INPP4B: variants seen among roughly 807,000 people sequenced by gnomAD.
INPP4B encodes inositol polyphosphate 4-phosphatase type II.
In INPP4B, 55 loss-of-function variants were observed where a neutral mutation model predicts 122.5. That is an observed-to-expected ratio of 0.45 (90% confidence interval 0.36 to 0.56). INPP4B has a LOEUF of 0.56. Among genes scored for constraint, INPP4B ranks in the 20% least tolerant of loss-of-function variants. INPP4B has a pLI of 0.00. For synonymous variants in INPP4B, 403 were observed against 388.7 expected (o/e 1.04, Z -0.43); for missense variants, 1,000 against 1,097.7 (o/e 0.91, Z 1.26).
At chr4:142,623,217 G>A (rs543190008) in intron 2 of INPP4B, among the ~76,000 whole-genome samples, 3 of 151,918 alleles carry the variant, frequency 2.0e-5, no homozygotes, top group Admixed American at 6.6e-5. Flanking sequence ...TATTGTACCT[G>A]CTTCAATTCA....
chr4:142,516,697 A>G (rs1825455081), intron 2 of INPP4B, among the ~76,000 whole-genome samples: 1 of 151,898 alleles, frequency 6.6e-6, no homozygotes, highest in African/African-American at 2.4e-5. Flanking sequence ...TGTGCCCTGG[A>G]GCCTGTGTGG....
intron 23 of INPP4B, among the ~76,000 whole-genome samples, chr4:142,099,460 G>A (rs1043189171): frequency 2.0e-5 from 3 of 152,098 alleles, no homozygotes; most frequent in Non-Finnish European, 4.4e-5. Flanking sequence ...TACATGGTAT[G>A]ACAGTTGAGA....
Position 142,074,679 on chromosome 4 carries a change from T to C in INPP4B, c.2642+7352A>G, listed in dbSNP as rs147167123. 3.6e-3 allele frequency among the ~76,000 whole-genome samples: 547 copies of C among 152,200 alleles called. 3 individuals are homozygous for C. Among genetic ancestry groups the C allele is most frequent in the African/African-American group, 0.012 (516 of 41,548 alleles). ...CAATAGATAAATTGTGGTCTATTTA[T>C]ACAAGGGAGTATTATATAAGTTTAA... On this transcript the variant is annotated intron_variant, in intron 25 of 25. Coordinates refer to ENST00000262992, the MANE Select transcript of INPP4B (RefSeq NM_001101669.3).
At chr4:142,687,042 T>C (rs1461047315) in intron 2 of INPP4B, among the ~76,000 whole-genome samples, 2 of 152,114 alleles carry the variant, frequency 1.3e-5, no homozygotes, top group African/African-American at 2.4e-5. Flanking sequence ...TGGGGATTCT[T>C]GCGAAAACTG....
intron 25 of INPP4B, among the ~76,000 whole-genome samples, chr4:142,056,042 A>T (rs1241340216): frequency 2.6e-5 from 4 of 151,900 alleles, no homozygotes; most frequent in Non-Finnish European, 1.5e-5. Flanking sequence ...CACGTAGCCT[A>T]GATTCCTCGC....
chr4:142,845,720 T>A (rs1784100580), intron 1 of INPP4B, among the ~76,000 whole-genome samples: 2 of 151,850 alleles, frequency 1.3e-5, no homozygotes, highest in Non-Finnish European at 2.9e-5. Context: ...TAAGGACTTC[T>A]TCCCAGGCCG....
chr4:142,645,523 G>T (rs1751559188), intron 2 of INPP4B, among the ~76,000 whole-genome samples: 1 of 152,148 alleles, frequency 6.6e-6, no homozygotes, highest in African/African-American at 2.4e-5. Flanking sequence ...TTGGCCAATA[G>T]AATGTGATGT....
intron 2 of INPP4B, among the ~76,000 whole-genome samples, chr4:142,464,761 C>T (rs927289702): frequency 1.3e-5 from 2 of 152,064 alleles, no homozygotes; most frequent in East Asian, 3.9e-4. Flanking sequence ...AAACTTTCAC[C>T]AGGTAGAATT....
Position 142,738,739 on chromosome 4 carries a change from T to C in INPP4B, c.-253-12838A>G, listed in dbSNP as rs116214299. ...CAAATGCCATCAGTTGGAAATAATA[T>C]ACAGAACTGACATACTTTAGCTCCA... is the stretch of plus-strand genomic sequence containing the variant. On this transcript the variant is annotated intron_variant, in intron 1 of 25. Coordinates refer to ENST00000262992, the MANE Select transcript of INPP4B (RefSeq NM_001101669.3). 9.5e-3 allele frequency among the ~76,000 whole-genome samples: 1,444 copies of C among 152,260 alleles called. 26 individuals are homozygous for C. The highest frequency in any genetic ancestry group is 0.032 in the African/African-American group (1,344 of 41,560).
intron 1 of INPP4B, among the ~76,000 whole-genome samples, chr4:142,814,176 G>T (rs1298521178): frequency 6.6e-6 from 1 of 152,136 alleles, no homozygotes; most frequent in African/African-American, 2.4e-5. Flanking sequence ...CAGGTAACAG[G>T]GAAAAGGAGA....
chr4:142,650,069 C>A (rs1454709967), intron 2 of INPP4B, among the ~76,000 whole-genome samples: 1 of 152,150 alleles, frequency 6.6e-6, no homozygotes, highest in African/African-American at 2.4e-5. Flanking sequence ...ATTCAACATC[C>A]TTAAAGAAAA....
chr4:142,445,402 C>G (rs1010407256), intron 3 of INPP4B, among the ~76,000 whole-genome samples: 1 of 152,058 alleles, frequency 6.6e-6, no homozygotes, highest in Non-Finnish European at 1.5e-5. Context: ...AAGAACAAAA[C>G]GTCAAGAAAA....
At chr4:142,308,221 A>C (rs1274960514) in intron 8 of INPP4B, among the ~76,000 whole-genome samples, 6 of 152,184 alleles carry the variant, frequency 3.9e-5, no homozygotes, top group Non-Finnish European at 5.9e-5. Flanking sequence ...CACTTGCTTG[A>C]TCTCAAAGGA....
intron 1 of INPP4B, among the ~76,000 whole-genome samples, chr4:142,756,065 T>C (rs1182752711): frequency 6.6e-6 from 1 of 152,022 alleles, no homozygotes; most frequent in East Asian, 1.9e-4. Context: ...CTCTTGCTAG[T>C]GGTTGCTTTA....
At chr4:142,484,926 C>T (rs1306047234) in intron 2 of INPP4B, among the ~76,000 whole-genome samples, 1 of 151,968 alleles carries the variant, frequency 6.6e-6, no homozygotes, top group Non-Finnish European at 1.5e-5. Context: ...ACTAATAATG[C>T]TCTATATTTT....
intron 1 of INPP4B, among the ~76,000 whole-genome samples, chr4:142,746,882 T>G (rs1768836452): frequency 6.6e-6 from 1 of 152,124 alleles, no homozygotes; most frequent in Admixed American, 6.5e-5. Flanking sequence ...CAAGATGGAT[T>G]AAAGAGTTAA....
chr4:142,747,412 C>T (rs752449799), intron 1 of INPP4B, among the ~76,000 whole-genome samples: 15 of 152,226 alleles, frequency 9.9e-5, no homozygotes, highest in East Asian at 1.9e-4. Context: ...AATGCTTTTA[C>T]GCTGTTGGTG....
intron 3 of INPP4B, among the ~76,000 whole-genome samples, chr4:142,454,404 C>T (rs1814950528): frequency 6.6e-6 from 1 of 152,086 alleles, no homozygotes; most frequent in Non-Finnish European, 1.5e-5. Context: ...AATGTGTTTA[C>T]TACTTAAAAC....
chr4:142,442,490 T>C (rs1377690874), intron 3 of INPP4B, among the ~76,000 whole-genome samples: 1 of 151,412 alleles, frequency 6.6e-6, no homozygotes, highest in Admixed American at 6.6e-5. Context: ...TTAAATGTTC[T>C]GTGGGCAAAA....
Sources: gnomAD v4.1 joint callset for allele counts (sites outside exome capture counted in the v4.1 genomes callset) on GRCh38, gnomAD v4.1.1 for gene constraint, MANE v1.5 for transcripts, NCBI Gene and HGNC (gene_info 2026-07-23, HGNC 2026-07-21) for gene names.